Variants in PAQR6 observed in about 807,000 individuals in gnomAD.
PAQR6 encodes the protein progestin and adipoQ receptor family member 6, also known as membrane progestin receptor delta.
Under a neutral mutation model 36.2 loss-of-function variants are expected in PAQR6, and 34 were observed. The observed-to-expected ratio is 0.94, with a 90% CI of 0.71 to 1.25. The LOEUF is 1.25. PAQR6 is among the 50% of genes most tolerant of loss of function. The pLI is 0.00. For missense variants in PAQR6, 431 were observed against 445.7 expected (o/e 0.97, Z 0.30); for synonymous variants, 190 against 190.7 (o/e 1.00, Z 0.03).
chr1:156,243,475 G>T lies in PAQR6; in HGVS notation c.*654C>A. On this transcript the variant is annotated 3_prime_UTR_variant, in exon 8 of 8. Transcript: ENST00000292291. The stretch of plus-strand genomic sequence containing the variant: ...CCTTGTTCCAGAAAACGTTGAAGGT[G>T]GCTTCCCAAAGTCTAACTAGGGATA... 2.1e-6 allele frequency: 1 copy of T among 474,318 alleles called. No homozygotes were observed. 29.4% of individuals were successfully genotyped at this position (474,318 alleles called of 1,614,324 possible). A position where few individuals can be genotyped will look rare whatever the true frequency, so the allele number is the denominator to read the frequency against.
At chr1:156,244,671 G>T (rs1232558430) in intron 7 of PAQR6, 90 bp downstream of exon 7, 5 of 1,596,916 alleles carry the variant, frequency 3.1e-6, no homozygotes, top group Non-Finnish European at 4.3e-6. Flanking sequence ...TCCATCCTGG[G>T]GCTGTAATAC....
Position 156,246,103 on chromosome 1 carries a change from G to A in PAQR6, c.179+20C>T, listed in dbSNP as rs1203369447. The A allele has an allele frequency of 6.2e-7, 1 of 1,609,658 alleles. No homozygotes were observed. Among genetic ancestry groups the A allele is most frequent in the Non-Finnish European group, 8.5e-7 (1 of 1,179,980 alleles). ...CCCTCTGAGCTCAAGGCCGCGGCCTGGGGCGGAGCCTCCCCTCACCAGGTG... is the reference window on the plus strand; with the variant it reads ...CCCTCTGAGCTCAAGGCCGCGGCCTAGGGCGGAGCCTCCCCTCACCAGGTG... On this transcript the variant is annotated intron_variant, in intron 3 of 7. Transcript: ENST00000292291.
chr1:156,245,764 C>G lies in PAQR6; in HGVS notation c.385+18G>C, dbSNP rs1208672312. 2.5e-6 allele frequency: 4 copies of G among 1,577,672 alleles called. No homozygotes were observed. Among genetic ancestry groups the G allele is most frequent in the Non-Finnish European group, 3.4e-6 (4 of 1,161,012 alleles). On this transcript the variant is annotated intron_variant, in intron 4 of 7. Coordinates refer to ENST00000292291, the MANE Select transcript of PAQR6 (RefSeq NM_198406.3). The stretch of plus-strand genomic sequence containing the variant: ...CCGGGACGCCCAGACCCCGCGCTCC[C>G]GCGCCTGTCCGGCTCACCCAGACTG...
At chr1:156,246,072 G>A (rs1660420667) in intron 3 of PAQR6, 51 bp downstream of exon 3, 1 of 1,604,772 alleles carries the variant, frequency 6.2e-7, no homozygotes, top group Admixed American at 1.7e-5. Context: ...TGCCCGCCTG[G>A]GTACCCCCTC....
intron 1 of PAQR6, among the ~76,000 whole-genome samples, chr1:156,247,091 C>T (rs1188844599): frequency 6.6e-6 from 1 of 152,172 alleles, no homozygotes; most frequent in African/African-American, 2.4e-5. Context: ...CAGGAAGAAT[C>T]CTGACTCCTG....
chr1:156,244,015 C>T lies in PAQR6; in HGVS notation c.*114G>A, dbSNP rs762568488. The T allele has an allele frequency of 2.5e-6, 4 of 1,614,188 alleles. No homozygotes were observed. Among genetic ancestry groups the T allele is most frequent in the South Asian group, 2.2e-5 (2 of 91,086 alleles). ...TCTCCTGTGCCCTCTCTCCTCAGCC[C>T]CTGTTGGTTCCAGGCTGAGATGCGT... On this transcript the variant is annotated 3_prime_UTR_variant, in exon 8 of 8. Coordinates refer to ENST00000292291, the MANE Select transcript of PAQR6 (RefSeq NM_198406.3).
chr1:156,246,123 C>G lies in PAQR6; in HGVS notation c.179G>C (p.Trp60Ser). Residue 60 changes from tryptophan (W) to serine (S), a missense_variant and splice_region_variant, in exon 3 of 8, where the codon TGG becomes TCG. Coordinates refer to ENST00000292291, the MANE Select transcript of PAQR6 (RefSeq NM_198406.3). ...VNIWTHFLPTWYFLWRLLALA... is the reference protein window; with the variant it reads ...VNIWTHFLPTSYFLWRLLALA... The stretch of plus-strand genomic sequence containing the variant: ...GGCCTGGGGCGGAGCCTCCCCTCAC[C>G]AGGTGGGCAGGAAGTGAGTCCAGAT... 1 of 1,611,800 alleles carries G rather than the reference C, an allele frequency of 6.2e-7. No individual in the cohort carries two copies. The highest frequency in any genetic ancestry group is 8.5e-7 in the Non-Finnish European group (1 of 1,179,996).
In PAQR6 at chr1:156,246,263, T is replaced by C. The variant is rs754546010; in HGVS notation, c.52-13A>G. The C allele has an allele frequency of 5.6e-6, 9 of 1,602,390 alleles. No individual in the cohort carries two copies. The highest frequency in any genetic ancestry group is 1.3e-5 in the African/African-American group (1 of 74,614). ...CTTCCCAGAACACCTAGGGTAGTGG[T>C]GGGAGAGGAAGGGCGTCACTGTGCC... On this transcript the variant is annotated splice_polypyrimidine_tract_variant and intron_variant, in intron 2 of 7. Coordinates refer to ENST00000292291, the MANE Select transcript of PAQR6 (RefSeq NM_198406.3).
Position 156,245,730 on chromosome 1 carries a change from C to T in PAQR6, c.385+52G>A. ...CCCCTATGTCCCGCGTCCCACCCCT[C>T]GCCCCGCTCCGGGACGCCCAGACCC... On this transcript the variant is annotated intron_variant, in intron 4 of 7. Coordinates refer to ENST00000292291, the MANE Select transcript of PAQR6 (RefSeq NM_198406.3). 3 of 1,571,356 alleles carry T rather than the reference C, an allele frequency of 1.9e-6. No homozygotes were observed. In the South Asian group the frequency reaches 3.4e-5, roughly 18 times the overall value.
chr1:156,243,993 C>G lies in PAQR6; in HGVS notation c.*136G>C. On this transcript the variant is annotated 3_prime_UTR_variant, in exon 8 of 8. Coordinates refer to ENST00000292291, the MANE Select transcript of PAQR6 (RefSeq NM_198406.3). ...ACCCCTCCTCTTCTCTGCCCTCTCTCCTGTGCCCTCTCTCCTCAGCCCCTG... is the reference window on the plus strand; with the variant it reads ...ACCCCTCCTCTTCTCTGCCCTCTCTGCTGTGCCCTCTCTCCTCAGCCCCTG... 1 of 1,614,198 alleles carries G rather than the reference C, an allele frequency of 6.2e-7. No homozygotes were observed. The highest frequency in any genetic ancestry group is 8.5e-7 in the Non-Finnish European group (1 of 1,180,014).
chr1:156,246,871 C>T, intron 1 of PAQR6, 115 bp from the exon 2 acceptor site: 2 of 835,668 alleles, frequency 2.4e-6, no homozygotes, highest in South Asian at 3.5e-5. Context: ...GGCACCCTCC[C>T]TCCTGGAGCT....
chr1:156,243,801 C>T lies in PAQR6; in HGVS notation c.*328G>A. The T allele has an allele frequency of 6.6e-7, 1 of 1,512,108 alleles. No individual in the cohort carries two copies. 93.7% of individuals were successfully genotyped at this position (1,512,108 alleles called of 1,614,324 possible). A position where few individuals can be genotyped will look rare whatever the true frequency, so the allele number is the denominator to read the frequency against. On this transcript the variant is annotated 3_prime_UTR_variant, in exon 8 of 8. Transcript: ENST00000292291. ...ACTTCCAGAAGCACCAGAAACGGAG[C>T]CAGATGAAAGGACCCCAACACCTCC...
Position 156,243,820 on chromosome 1 carries a change from C to T in PAQR6, c.*309G>A. ...ACGGAGCCAGATGAAAGGACCCCAA[C>T]ACCTCCCCCCGCCAACCTTTGACAG... On this transcript the variant is annotated 3_prime_UTR_variant, in exon 8 of 8. Coordinates refer to ENST00000292291, the MANE Select transcript of PAQR6 (RefSeq NM_198406.3). The T allele has an allele frequency of 6.5e-7, 1 of 1,537,060 alleles. No homozygotes were observed. Among genetic ancestry groups the T allele is most frequent in the South Asian group, 1.3e-5 (1 of 79,968 alleles).
Position 156,244,797 on chromosome 1 carries a change from G to A in PAQR6, c.724C>T (p.Pro242Ser), listed in dbSNP as rs780440986. The change falls in exon 7 of 8, where the codon CCT becomes TCT. Residue 242 changes from proline to serine, a missense_variant. Physicochemically the swap from Pro to Ser is moderately conservative, Grantham distance 74 (BLOSUM62 -1). Transcript: ENST00000292291. ...AAGCGTCCTGGTGCCAGCCTTTCAG[G>A]CAGGTGGGAGGCGAAGAGGAAGCCA... ...LTGFLFASHL[P>S]ERLAPGRFDY... 2.4e-5 allele frequency: 39 copies of A among 1,613,708 alleles called. No homozygotes were observed. The East Asian group carries it at 5.8e-4, about 24-fold the overall frequency.
chr1:156,246,568 T>A (rs1660532880), intron 2 of PAQR6, 113 bp downstream of exon 2: 1 of 1,217,802 alleles, frequency 8.2e-7, no homozygotes, highest in African/African-American at 1.5e-5. Context: ...AATGGGAGGG[T>A]AAGAGTTCGC....
chr1:156,245,881 A>G lies in PAQR6; in HGVS notation c.286T>C (p.Phe96Leu). 1 of 1,598,346 alleles carries G rather than the reference A, an allele frequency of 6.3e-7. No individual in the cohort carries two copies. The highest frequency in any genetic ancestry group is 8.5e-7 in the Non-Finnish European group (1 of 1,173,414). ...AAGGTGTGCGCGCAGCACGACGCGAAGGGGTAGAGGCAGGCGGGCAGCAGG... is the reference window on the plus strand; with the variant it reads ...AAGGTGTGCGCGCAGCACGACGCGAGGGGGTAGAGGCAGGCGGGCAGCAGG... Reference protein sequence around the residue: ...VFLLPACLYPFASCCAHTFSS... With the variant: ...VFLLPACLYPLASCCAHTFSS... The change falls in exon 4 of 8, where the codon TTC becomes CTC. Residue 96 changes from phenylalanine (F) to leucine (L), a missense_variant. Physicochemically the swap from Phe to Leu is conservative, Grantham distance 22 (BLOSUM62 0). Coordinates refer to ENST00000292291, the MANE Select transcript of PAQR6 (RefSeq NM_198406.3).
At position 156,245,565 on chromosome 1, in the gene PAQR6, AAGG is replaced by A; in HGVS notation, c.479_481del (p.Ser160del). 1 of 1,612,492 alleles carries A rather than the reference AAGG, an allele frequency of 6.2e-7. No homozygotes were observed. The highest frequency in any genetic ancestry group is 1.3e-5 in the African/African-American group (1 of 74,970). On this transcript the variant is annotated inframe_deletion, in exon 5 of 8. Coordinates refer to ENST00000292291, the MANE Select transcript of PAQR6 (RefSeq NM_198406.3). ...GTAGCAGGAGAGGCCGGTGCACAGG[AAGG>A]AGTTGAGTGCGGCGGCAGGCACAAA...
chr1:156,243,743 A>G lies in PAQR6; in HGVS notation c.*386T>C. The G allele has an allele frequency of 8.0e-7, 1 of 1,246,498 alleles. No individual in the cohort carries two copies. Among genetic ancestry groups the G allele is most frequent in the South Asian group, 1.5e-5 (1 of 66,548 alleles). 77.2% of individuals were successfully genotyped at this position (1,246,498 alleles called of 1,614,324 possible). ...GAAGCATTCAGGGTAGGCCTAGGTT[A>G]GTCGTGTTAGTTCTTCCCTGTGCTG... On this transcript the variant is annotated 3_prime_UTR_variant, in exon 8 of 8. Transcript: ENST00000292291.
At position 156,243,688 on chromosome 1, in the gene PAQR6, A is replaced by G; in HGVS notation, c.*441T>C. ...ACCTGGTTTGTGGGGATGGGGGGGC[A>G]AGTGTGTGGCCTCTCGGCCTGGTTA... is the stretch of plus-strand genomic sequence containing the variant. On this transcript the variant is annotated 3_prime_UTR_variant, in exon 8 of 8. Coordinates refer to ENST00000292291, the MANE Select transcript of PAQR6 (RefSeq NM_198406.3). The G allele has an allele frequency of 1.2e-6, 1 of 810,304 alleles. No individual in the cohort carries two copies. Among genetic ancestry groups the G allele is most frequent in the Non-Finnish European group, 1.9e-6 (1 of 523,264 alleles). The allele number at this position is 810,304 out of a possible 1,614,324, so 50.2% of individuals were successfully genotyped here.
Sources: allele counts gnomAD v4.1 joint callset (sites outside exome capture counted in the v4.1 genomes callset), GRCh38; gene constraint gnomAD v4.1.1; transcripts MANE v1.5; gene names NCBI Gene and HGNC (gene_info 2026-07-23, HGNC 2026-07-21).